NALF1: variants seen among roughly 807,000 people sequenced by gnomAD.
The protein encoded by NALF1 is family with sequence similarity 155 member A.
Under a neutral mutation model 48.4 loss-of-function variants are expected in NALF1, and 3 were observed. That is an observed-to-expected ratio of 0.06 (90% CI 0.03 to 0.16). The LOEUF is 0.16. Ranked by LOEUF, NALF1 falls within the 10% of genes least tolerant of loss-of-function variation. NALF1 has a pLI of 1.00. For missense variants in NALF1, 526 were observed against 571.5 expected, an observed-to-expected ratio of 0.92 and a Z score of 0.81; for synonymous variants, 262 against 245.7, an observed-to-expected ratio of 1.07 and a Z score of -0.62.
intron 1 of NALF1, among the ~76,000 whole-genome samples, chr13:107,218,859 C>T (rs1177515654): frequency 4.6e-5 from 7 of 152,104 alleles, no homozygotes; most frequent in Admixed American, 6.6e-5. Context: ...GTTATTTAAA[C>T]GGACACACTA....
chr13:107,795,607 A>T (rs1369289217), intron 1 of NALF1, among the ~76,000 whole-genome samples: 2 of 152,218 alleles, frequency 1.3e-5, no homozygotes, highest in Non-Finnish European at 2.9e-5. Flanking sequence ...TTGTTCTTGC[A>T]GGATCTCCAG....
At chr13:107,556,239 C>A (rs141704047) in intron 1 of NALF1, among the ~76,000 whole-genome samples, 510 of 149,362 alleles carry the variant, frequency 3.4e-3, no homozygotes, top group African/African-American at 0.011. Flanking sequence ...TGCTTATCTT[C>A]AGAGATGTGC....
chr13:107,723,625 C>T (rs1876054848), intron 1 of NALF1, among the ~76,000 whole-genome samples: 1 of 152,138 alleles, frequency 6.6e-6, no homozygotes, highest in Non-Finnish European at 1.5e-5. Context: ...ATACTATATA[C>T]TGAAACAAGA....
intron 1 of NALF1, among the ~76,000 whole-genome samples, chr13:107,595,136 A>G (rs1878706651): frequency 6.6e-6 from 1 of 152,130 alleles, no homozygotes; most frequent in Non-Finnish European, 1.5e-5. Flanking sequence ...GAGGTTTAAT[A>G]TCAGAGTAAG....
At chr13:107,554,903 G>A (rs1877412594) in intron 1 of NALF1, among the ~76,000 whole-genome samples, 1 of 152,100 alleles carries the variant, frequency 6.6e-6, no homozygotes, top group South Asian at 2.1e-4. Context: ...AAGGAGGAGT[G>A]TAGAGAATGT....
intron 1 of NALF1, among the ~76,000 whole-genome samples, chr13:107,452,189 C>T (rs1174823975): frequency 6.6e-6 from 1 of 152,170 alleles, no homozygotes; most frequent in Non-Finnish European, 1.5e-5. Flanking sequence ...TCTCTTCCTC[C>T]TGCCCATATC....
Position 107,328,273 on chromosome 13 carries a change from T to TACACAC in NALF1, c.916-117524_916-117519dup, listed in dbSNP as rs34987619. Among the ~76,000 whole-genome samples, 396 of 144,098 alleles carry TACACAC rather than the reference T, an allele frequency of 2.7e-3. 1 individual carries two copies. Among genetic ancestry groups the TACACAC allele is most frequent in the African/African-American group, 5.4e-3 (210 of 38,758 alleles). The allele number at this position is 144,098 out of a possible 152,430, so 94.5% of individuals were successfully genotyped here. A position where few individuals can be genotyped will look rare whatever the true frequency, so the allele number is the denominator to read the frequency against. Reference sequence around the variant, plus strand: ...TCTTCCAACTTTTCATCTCCTGCAATACACACACACACACACACACACACA... The same window carrying TACACAC: ...TCTTCCAACTTTTCATCTCCTGCAATACACACACACACACACACACACACACACACA... On this transcript the variant is annotated intron_variant, in intron 1 of 2. Coordinates refer to ENST00000375915, the MANE Select transcript of NALF1 (RefSeq NM_001080396.3).
chr13:107,480,311 T>G (rs554341832), intron 1 of NALF1, among the ~76,000 whole-genome samples: 1 of 152,280 alleles, frequency 6.6e-6, no homozygotes, highest in South Asian at 2.1e-4. Flanking sequence ...TAGTAAAACA[T>G]GTAGTGCCTT....
chr13:107,540,120 C>T (rs1169915764), intron 1 of NALF1, among the ~76,000 whole-genome samples: 1 of 151,496 alleles, frequency 6.6e-6, no homozygotes, highest in Non-Finnish European at 1.5e-5. Flanking sequence ...AGGCAATTCC[C>T]ATCAGAAAAA....
At chr13:107,679,780 T>C (rs1047377490) in intron 1 of NALF1, among the ~76,000 whole-genome samples, 1 of 152,190 alleles carries the variant, frequency 6.6e-6, no homozygotes, top group African/African-American at 2.4e-5. Context: ...GATCTTTCCA[T>C]GGAAGCTCCA....
chr13:107,259,641 AC>A (rs1880890568), intron 1 of NALF1, among the ~76,000 whole-genome samples: 2 of 152,216 alleles, frequency 1.3e-5, no homozygotes, highest in Non-Finnish European at 2.9e-5. Context: ...CACAATAGTT[AC>A]TACCAGAAGT....
chr13:107,384,624 G>A (rs12429004), intron 1 of NALF1, among the ~76,000 whole-genome samples: 1 of 151,984 alleles, frequency 6.6e-6, no homozygotes, highest in African/African-American at 2.4e-5. Context: ...ACCAGGCAAG[G>A]CATCTTTTTT....
At chr13:107,683,850 G>A (rs1204791737) in intron 1 of NALF1, among the ~76,000 whole-genome samples, 2 of 35,988 alleles carry the variant, frequency 5.6e-5, no homozygotes, top group Non-Finnish European at 2.2e-4. Flanking sequence ...AACACATCCT[G>A]TGGGGTCTCC....
chr13:107,750,726 T>A (rs968989703), intron 1 of NALF1, among the ~76,000 whole-genome samples: 11 of 152,158 alleles, frequency 7.2e-5, no homozygotes, highest in African/African-American at 1.2e-4. Flanking sequence ...GTCTTTACAC[T>A]AAAATCTCTA....
At chr13:107,188,160 A>C (rs1386564120) in intron 2 of NALF1, among the ~76,000 whole-genome samples, 1 of 152,190 alleles carries the variant, frequency 6.6e-6, no homozygotes, top group Non-Finnish European at 1.5e-5. Flanking sequence ...TTAGTGTTGC[A>C]GAAAATGATC....
intron 1 of NALF1, among the ~76,000 whole-genome samples, chr13:107,709,340 C>T (rs960442500): frequency 3.1e-4 from 47 of 152,268 alleles, no homozygotes; most frequent in African/African-American, 1.1e-3. Context: ...TTTGTTCATG[C>T]GTGTCAGCAC....
intron 1 of NALF1, among the ~76,000 whole-genome samples, chr13:107,771,644 G>A (rs1594256235): frequency 6.6e-6 from 1 of 152,190 alleles, no homozygotes; most frequent in East Asian, 1.9e-4. Flanking sequence ...TTCCTAGCCT[G>A]TAGATGTTTA....
At chr13:107,481,985 TA>T (rs1885261188) in intron 1 of NALF1, among the ~76,000 whole-genome samples, 1 of 152,168 alleles carries the variant, frequency 6.6e-6, no homozygotes, top group Admixed American at 6.5e-5. Context: ...GTGTGATGGT[TA>T]AGTTTATGTG....
intron 1 of NALF1, among the ~76,000 whole-genome samples, chr13:107,243,137 C>T (rs546465008): frequency 1.5e-4 from 23 of 152,282 alleles, no homozygotes; most frequent in Non-Finnish European, 4.4e-5. Context: ...CCTGTCAGGC[C>T]TCGTCCTGAC....
Sources: gnomAD v4.1 joint callset for allele counts (sites outside exome capture counted in the v4.1 genomes callset) on GRCh38, gnomAD v4.1.1 for gene constraint, MANE v1.5 for transcripts, NCBI Gene and HGNC (gene_info 2026-07-23, HGNC 2026-07-21) for gene names.